The following SLC9D1 variants were observed in gnomAD, a reference collection of about 807,000 sequenced individuals.
The protein encoded by SLC9D1 is putative LAG1-interacting protein.
At chr13:113,523,243 T>G in the SLC9D1 span, among the ~76,000 whole-genome samples, 28,056 of 152,058 alleles carry the variant, frequency 0.18, 3,413 homozygotes, top group African/African-American at 0.35. Flanking sequence ...TGTCAGTTCT[T>G]CCTTAATATT....
the SLC9D1 span, among the ~76,000 whole-genome samples, chr13:113,543,153 C>T: frequency 1.2e-4 from 9 of 75,142 alleles, no homozygotes; most frequent in East Asian, 5.2e-4. Context: ...CCCGTGCCCC[C>T]CGCCCTACCT....
chr13:113,505,884 A>G, the SLC9D1 span: 1 of 152,178 alleles, frequency 6.6e-6, no homozygotes, highest in Non-Finnish European at 1.5e-5. Context: ...TTTTCCACTA[A>G]AAGCTCCGTT....
the SLC9D1 span, among the ~76,000 whole-genome samples, chr13:113,521,222 G>T: frequency 1.3e-5 from 2 of 151,668 alleles, no homozygotes; most frequent in Admixed American, 6.6e-5. Context: ...TGTGGTGGGG[G>T]GGCATGTGTC....
the SLC9D1 span, among the ~76,000 whole-genome samples, chr13:113,518,633 C>T: frequency 2.0e-5 from 3 of 152,276 alleles, no homozygotes; most frequent in South Asian, 4.2e-4. Flanking sequence ...TCGCAGCCTC[C>T]CTCCCGTCTT....
At chr13:113,523,455 T>C in the SLC9D1 span, among the ~76,000 whole-genome samples, 1 of 152,220 alleles carries the variant, frequency 6.6e-6, no homozygotes, top group African/African-American at 2.4e-5. Flanking sequence ...TTTTGTGTTG[T>C]ATTCCTTTAT....
chr13:113,539,498 G>C, the SLC9D1 span: 4 of 1,611,954 alleles, frequency 2.5e-6, no homozygotes, highest in Non-Finnish European at 3.4e-6. This position sits in a 1 kb window ranked among gnomAD's most constrained non-coding sequence, Gnocchi z 4.8. Context: ...CGTTTTCTTC[G>C]CCTCCATAGG....
At chr13:113,520,466 A>G in the SLC9D1 span, 1 of 539,840 alleles carries the variant, frequency 1.9e-6, no homozygotes, top group Non-Finnish European at 3.3e-6. Flanking sequence ...CCTGGGCGAC[A>G]GAGCAAAACT....
chr13:113,539,413 C>T, the SLC9D1 span: 13 of 1,613,524 alleles, frequency 8.1e-6, no homozygotes, highest in African/African-American at 1.3e-5. This position sits in a 1 kb window ranked among gnomAD's most constrained non-coding sequence, Gnocchi z 4.8. Flanking sequence ...CTGGAGCGCT[C>T]GTCTCCTCTC....
At chr13:113,526,078 C>T in the SLC9D1 span, among the ~76,000 whole-genome samples, 2 of 151,810 alleles carry the variant, frequency 1.3e-5, no homozygotes, top group African/African-American at 2.4e-5. Context: ...TCGTAGGAGA[C>T]GACAGCTCTG....
the SLC9D1 span, among the ~76,000 whole-genome samples, chr13:113,514,824 C>T: frequency 1.3e-5 from 2 of 152,200 alleles, 1 homozygote; most frequent in Admixed American, 1.3e-4. Context: ...TCAAGTGATC[C>T]TCCCATCTCA....
the SLC9D1 span, among the ~76,000 whole-genome samples, chr13:113,522,572 C>A: frequency 6.6e-6 from 1 of 152,160 alleles, no homozygotes. Context: ...GATCTCCTGA[C>A]CTTGTGATCT....
chr13:113,536,583 G>GC, the SLC9D1 span: 2 of 985,160 alleles, frequency 2.0e-6, no homozygotes, highest in Non-Finnish European at 2.4e-6. Flanking sequence ...CTTCCGTGTT[G>GC]CCCTCCCAGT....
At chr13:113,544,866 A>G in the SLC9D1 span, among the ~76,000 whole-genome samples, 1 of 152,258 alleles carries the variant, frequency 6.6e-6, no homozygotes, top group East Asian at 1.9e-4. Flanking sequence ...GACACAGCTC[A>G]GTCCACAGCA....
chr13:113,530,992 A>C, the SLC9D1 span, among the ~76,000 whole-genome samples: 1 of 151,904 alleles, frequency 6.6e-6, no homozygotes, highest in African/African-American at 2.4e-5. Context: ...GAAGTGGGGT[A>C]CCTTGGGCAT....
the SLC9D1 span, chr13:113,527,709 G>A: frequency 6.6e-6 from 1 of 152,234 alleles, no homozygotes; most frequent in Non-Finnish European, 1.5e-5. Flanking sequence ...GTGGGTTTAT[G>A]TCTCTTGGCT....
the SLC9D1 span, among the ~76,000 whole-genome samples, chr13:113,549,149 C>T: frequency 6.6e-6 from 1 of 152,214 alleles, no homozygotes; most frequent in Non-Finnish European, 1.5e-5. Flanking sequence ...CCAATGTCCT[C>T]AGCTTCTGGC....
At chr13:113,495,279 C>T in the SLC9D1 span, among the ~76,000 whole-genome samples, 1 of 152,222 alleles carries the variant, frequency 6.6e-6, no homozygotes, top group Non-Finnish European at 1.5e-5. Flanking sequence ...ATGTAGCTGA[C>T]CTTTAATCAT....
At chr13:113,549,295 C>G in the SLC9D1 span, 1 of 1,039,188 alleles carries the variant, frequency 9.6e-7, no homozygotes, top group Non-Finnish European at 1.4e-6. Context: ...CTCAGCGTGA[C>G]TGTGCTCAGC....
chr13:113,533,162 C>T, the SLC9D1 span, among the ~76,000 whole-genome samples: 49 of 112,496 alleles, frequency 4.4e-4, no homozygotes, highest in Non-Finnish European at 3.5e-5. Flanking sequence ...ACGCTGCCTC[C>T]CTCCTGAAGT....
Sources: gnomAD v4.1 joint callset for allele counts (sites outside exome capture counted in the v4.1 genomes callset) on GRCh38, gnomAD v4.1.1 for gene constraint, Gnocchi (gnomAD v3.1) non-coding constraint, MANE v1.5 for transcripts, NCBI Gene and HGNC (gene_info 2026-07-23, HGNC 2026-07-21) for gene names.